TNFRSF11A: variants seen among roughly 807,000 people sequenced by gnomAD.
TNFRSF11A encodes TNF receptor superfamily member 11a.
Under a neutral mutation model 55.7 loss-of-function variants are expected in TNFRSF11A, and 32 were observed. The ratio of observed to expected loss-of-function variants is 0.57; its 90% confidence interval spans 0.43 to 0.77. The LOEUF (loss-of-function observed/expected upper bound fraction) is 0.77, where lower values mean the gene tolerates loss of function less well. Among genes scored for constraint, TNFRSF11A ranks in the 30% least tolerant of loss-of-function variants. The pLI is 0.00. For synonymous variants in TNFRSF11A, 311 were observed against 331.0 expected, an observed-to-expected ratio of 0.94 and a Z score of 0.65; for missense variants, 753 against 809.8, an observed-to-expected ratio of 0.93 and a Z score of 0.85.
At chr18:62,334,377 C>G (rs377197051) in intron 1 of TNFRSF11A, among the ~76,000 whole-genome samples, 2 of 152,092 alleles carry the variant, frequency 1.3e-5, no homozygotes, top group African/African-American at 4.8e-5. Flanking sequence ...TAGACTATAC[C>G]GTACCACTGT....
rs548466975 is a variant in TNFRSF11A at position 62,390,329 on chromosome 18, A to T, written c.*5295A>T. 5 of 152,362 alleles carry T rather than the reference A, an allele frequency of 3.3e-5. No homozygotes were observed. In the South Asian group the frequency reaches 1.0e-3, roughly 32 times the overall value. The allele number at this position is 152,362 out of a possible 1,614,324, so 9.4% of individuals were successfully genotyped here. On this transcript the variant is annotated 3_prime_UTR_variant, in exon 10 of 10. Coordinates refer to ENST00000586569, the MANE Select transcript of TNFRSF11A (RefSeq NM_003839.4). The stretch of plus-strand genomic sequence containing the variant: ...CTTACCCAATATAACTTCACATTAT[A>T]CTGTCTTAAAAGACTATGATTAAAA...
intron 9 of TNFRSF11A, among the ~76,000 whole-genome samples, chr18:62,377,515 A>G (rs1214388632): frequency 1.3e-5 from 2 of 152,222 alleles, no homozygotes; most frequent in Non-Finnish European, 1.5e-5. Context: ...AGCCAAGAAT[A>G]AGAGTTCCTG....
chr18:62,358,227 T>A (rs78551492), intron 4 of TNFRSF11A, 21 bp from the exon 5 acceptor site: 2 of 810,014 alleles, frequency 2.5e-6, no homozygotes, highest in Non-Finnish European at 3.7e-6. Context: ...TCTGGGTTGT[T>A]TTTTTTTTTT....
rs1427974617 is a variant in TNFRSF11A, at chr18:62,384,822, A to G, written c.1639A>G (p.Ile547Val). The G allele has an allele frequency of 6.2e-7, 1 of 1,612,088 alleles. No individual in the cohort carries two copies. The highest frequency in any genetic ancestry group is 8.5e-7 in the Non-Finnish European group (1 of 1,179,340). ...GGTGATGAACTTCAAGGGCGACATC[A>G]TCGTGGTCTACGTCAGCCAGACCTC... ...GQVMNFKGDI[I>V]VVYVSQTSQE... Residue 547 changes from isoleucine to valine, a missense_variant, in exon 10 of 10, where the codon ATC becomes GTC. By Grantham distance (29) the Ile-to-Val change is conservative. Transcript: ENST00000586569.
intron 9 of TNFRSF11A, among the ~76,000 whole-genome samples, chr18:62,377,180 G>A (rs1455333218): frequency 6.6e-6 from 1 of 152,194 alleles, no homozygotes; most frequent in Non-Finnish European, 1.5e-5. Context: ...CTCCCAAAGT[G>A]CTGGGATTAT....
At chr18:62,366,601 T>C in intron 7 of TNFRSF11A, 107 bp from the exon 8 acceptor site, 1 of 1,172,102 alleles carries the variant, frequency 8.5e-7, no homozygotes, top group Non-Finnish European at 1.3e-6. Flanking sequence ...TCTATATTTG[T>C]CCTATAACAT....
At chr18:62,350,168 C>A (rs1287370869) in intron 3 of TNFRSF11A, among the ~76,000 whole-genome samples, 3 of 152,224 alleles carry the variant, frequency 2.0e-5, no homozygotes, top group Admixed American at 2.0e-4. Context: ...AATCATGGGA[C>A]ACATCATAGA....
At chr18:62,381,106 C>T (rs1341367587) in intron 9 of TNFRSF11A, among the ~76,000 whole-genome samples, 1 of 152,138 alleles carries the variant, frequency 6.6e-6, no homozygotes, top group African/African-American at 2.4e-5. Context: ...GCTTAGTTCC[C>T]CAACAATAAT....
chr18:62,354,762 C>T lies in TNFRSF11A; in HGVS notation c.427+228C>T, dbSNP rs537563500. Among the ~76,000 whole-genome samples the T allele has an allele frequency of 2.0e-5, 3 of 152,318 alleles. No individual in the cohort carries two copies. In the South Asian group the frequency reaches 6.2e-4, roughly 32 times the overall value. ...TTCAAAGGGACTGCGGGCAATTTGC[C>T]TACATGCTCTGGCCATGGCCAGGGG... On this transcript the variant is annotated intron_variant, in intron 4 of 9. Coordinates refer to ENST00000586569, the MANE Select transcript of TNFRSF11A (RefSeq NM_003839.4).
At chr18:62,340,919 C>T (rs548840132) in intron 1 of TNFRSF11A, among the ~76,000 whole-genome samples, 2 of 152,356 alleles carry the variant, frequency 1.3e-5, no homozygotes, top group Admixed American at 1.3e-4. Context: ...TTATAACACA[C>T]CATCTTGGTA....
intron 9 of TNFRSF11A, among the ~76,000 whole-genome samples, chr18:62,378,464 A>G (rs925782341): frequency 6.6e-6 from 1 of 152,198 alleles, no homozygotes; most frequent in African/African-American, 2.4e-5. Context: ...AGACGCATTG[A>G]GATCCTCTAA....
chr18:62,359,897 C>T, intron 5 of TNFRSF11A, 58 bp from the exon 6 acceptor site: 2 of 1,497,718 alleles, frequency 1.3e-6, no homozygotes, highest in Non-Finnish European at 1.9e-6. Context: ...TGCATTTGTT[C>T]ACTTTTTAAA....
intron 5 of TNFRSF11A, 42 bp from the exon 6 acceptor site, chr18:62,359,913 A>T (rs755863942): frequency 2.6e-6 from 4 of 1,561,152 alleles, no homozygotes; most frequent in Non-Finnish European, 3.5e-6. Context: ...TTAAAAAACA[A>T]GCTTATAAAA....
intron 2 of TNFRSF11A, among the ~76,000 whole-genome samples, chr18:62,348,577 TG>T (rs2046419158): frequency 2.6e-5 from 4 of 152,362 alleles, no homozygotes; most frequent in Non-Finnish European, 5.9e-5. Context: ...AACTCTCAAA[TG>T]TGAAATGCAG....
intron 1 of TNFRSF11A, among the ~76,000 whole-genome samples, chr18:62,335,244 A>C (rs2046215063): frequency 6.6e-6 from 1 of 151,270 alleles, no homozygotes; most frequent in African/African-American, 2.4e-5. Flanking sequence ...AGTAGCTGGG[A>C]TGACAGGTAC....
chr18:62,325,381 C>A lies in TNFRSF11A; in HGVS notation c.29C>A (p.Pro10Gln). The change falls in exon 1 of 10, where the codon CCG (proline) becomes CAG (glutamine). Residue 10 changes from proline (P) to glutamine (Q), a missense_variant. Transcript: ENST00000586569. This position sits in a 1 kb window ranked among gnomAD's most constrained non-coding sequence, Gnocchi z 4.7. The part of the protein sequence containing the change: MAPRARRRR[P>Q]LFALLLLCAL... ...GCCCCGCGCGCCCGGCGGCGCCGCC[C>A]GCTGTTCGCGCTGCTGCTGCTCTGC... 1 of 1,087,696 alleles carries A rather than the reference C, an allele frequency of 9.2e-7. No homozygotes were observed. Among genetic ancestry groups the A allele is most frequent in the Non-Finnish European group, 1.1e-6 (1 of 897,928 alleles). The allele number at this position is 1,087,696 out of a possible 1,614,324, so 67.4% of individuals were successfully genotyped here. A position where few individuals can be genotyped will look rare whatever the true frequency, so the allele number is the denominator to read the frequency against.
At chr18:62,376,239 G>T (rs1195492195) in intron 9 of TNFRSF11A, among the ~76,000 whole-genome samples, 2 of 150,008 alleles carry the variant, frequency 1.3e-5, no homozygotes, top group African/African-American at 4.9e-5. Flanking sequence ...ACTTTCTCTT[G>T]TGGGGAGAGC....
chr18:62,349,999 AG>A lies in TNFRSF11A; in HGVS notation c.283+63del, dbSNP rs1461512387. On this transcript the variant is annotated intron_variant, in intron 3 of 9. Transcript: ENST00000586569. ...AGAAACCTCAGACCTCTTTTTCTATAGAAACATTTTTAGAGGCAGCCAATGA... is the reference window on the plus strand; with the variant it reads ...AGAAACCTCAGACCTCTTTTTCTATAAAACATTTTTAGAGGCAGCCAATGA... 7.5e-6 allele frequency: 12 copies of A among 1,605,002 alleles called. No homozygotes were observed. The Admixed American group carries it at 1.2e-4, about 16-fold the overall frequency.
Position 62,390,232 on chromosome 18 carries a change from C to T in TNFRSF11A, c.*5198C>T, listed in dbSNP as rs1182855179. 2 of 152,222 alleles carry T rather than the reference C, an allele frequency of 1.3e-5. No homozygotes were observed. The highest frequency in any genetic ancestry group is 2.9e-5 in the Non-Finnish European group (2 of 68,056). 9.4% of individuals were successfully genotyped at this position (152,222 alleles called of 1,614,324 possible). ...CTAGGTCGGAGGGACGCACCTTCTCCACAGTTGACAGGACTGTTATGGTTG... is the reference window on the plus strand; with the variant it reads ...CTAGGTCGGAGGGACGCACCTTCTCTACAGTTGACAGGACTGTTATGGTTG... On this transcript the variant is annotated 3_prime_UTR_variant, in exon 10 of 10. Transcript: ENST00000586569.
Sources: allele counts gnomAD v4.1 joint callset (sites outside exome capture counted in the v4.1 genomes callset), GRCh38; gene constraint gnomAD v4.1.1; non-coding constraint Gnocchi (gnomAD v3.1); transcripts MANE v1.5; gene names NCBI Gene and HGNC (gene_info 2026-07-23, HGNC 2026-07-21).